SYNE1: variants seen among roughly 807,000 people sequenced by gnomAD.
The protein encoded by SYNE1 is spectrin repeat containing nuclear envelope protein 1, also known as nesprin-1.
A neutral mutation model predicts 1,111.0 loss-of-function variants in SYNE1; 616 were observed. The ratio of observed to expected loss-of-function variants is 0.55; its 90% confidence interval spans 0.52 to 0.59. SYNE1 has a LOEUF of 0.59. Ranked by LOEUF, SYNE1 falls within the 20% of genes least tolerant of loss-of-function variation. The probability of loss-of-function intolerance (pLI) is 0.00; values close to 1 mark genes in which losing one functional copy is unlikely to be tolerated. For missense variants in SYNE1, 10,006 were observed against 10,417.0 expected, an observed-to-expected ratio of 0.96 and a Z score of 1.72; for synonymous variants, 3,855 against 3,825.8, an observed-to-expected ratio of 1.01 and a Z score of -0.28.
intron 98 of SYNE1, among the ~76,000 whole-genome samples, chr6:152,275,195 C>T (rs1325678290): frequency 6.6e-6 from 1 of 152,102 alleles, no homozygotes; most frequent in Non-Finnish European, 1.5e-5. Flanking sequence ...GCATAAGCCA[C>T]CAAGCCCTGC....
chr6:152,382,371 C>T (rs1264533272), intron 55 of SYNE1, among the ~76,000 whole-genome samples: 2 of 152,032 alleles, frequency 1.3e-5, no homozygotes, highest in Non-Finnish European at 2.9e-5. Flanking sequence ...ATGAAGCATG[C>T]TTAATAAATT....
At chr6:152,484,718 T>C (rs1244502196) in intron 13 of SYNE1, 117 bp downstream of exon 13, 3 of 1,098,768 alleles carry the variant, frequency 2.7e-6, no homozygotes, top group Non-Finnish European at 4.0e-6. Context: ...TAAGTCTTTC[T>C]AGCCTCAGAC....
chr6:152,547,765 T>G (rs1410949021), intron 3 of SYNE1, among the ~76,000 whole-genome samples: 1 of 152,216 alleles, frequency 6.6e-6, no homozygotes. Context: ...TATCACACAG[T>G]ACCTTTCATT....
intron 130 of SYNE1, among the ~76,000 whole-genome samples, chr6:152,170,811 C>T (rs1171374323): frequency 2.0e-5 from 3 of 152,208 alleles, no homozygotes; most frequent in African/African-American, 7.2e-5. Context: ...TATGGTTTAG[C>T]TGTGTCACTA....
intron 138 of SYNE1, 138 bp downstream of exon 138, chr6:152,143,485 T>G: frequency 1.5e-6 from 2 of 1,290,334 alleles, no homozygotes. Flanking sequence ...GGCTTGGCTT[T>G]GCACATCCAG....
At chr6:152,457,300 C>T (rs2098702673) in intron 22 of SYNE1, among the ~76,000 whole-genome samples, 1 of 152,104 alleles carries the variant, frequency 6.6e-6, no homozygotes, top group African/African-American at 2.4e-5. Flanking sequence ...GAAGTTAAAG[C>T]TAATCAAAGC....
At chr6:152,463,600 T>C in intron 18 of SYNE1, 83 bp from the exon 19 acceptor site, 1 of 1,184,194 alleles carries the variant, frequency 8.4e-7, no homozygotes, top group Admixed American at 2.0e-5. Flanking sequence ...GTAGGAAAAA[T>C]ATTTTTGTTT....
At chr6:152,368,699 A>G in intron 61 of SYNE1, 1 of 432,160 alleles carries the variant, frequency 2.3e-6, no homozygotes, top group Non-Finnish European at 4.3e-6. Flanking sequence ...TTCAGTATTA[A>G]AAGGAATATC....
chr6:152,447,374 T>G, intron 29 of SYNE1, 84 bp downstream of exon 29: 1 of 1,452,030 alleles, frequency 6.9e-7, no homozygotes, highest in Non-Finnish European at 9.5e-7. Context: ...ATAAAATTAC[T>G]TGCTAAACTA....
At chr6:152,599,817 T>A (rs2099591844) in intron 3 of SYNE1, among the ~76,000 whole-genome samples, 1 of 152,190 alleles carries the variant, frequency 6.6e-6, no homozygotes, top group Non-Finnish European at 1.5e-5. Flanking sequence ...CATATACGTA[T>A]CCTATAGCAT....
At chr6:152,333,930 G>T in intron 77 of SYNE1, 78 bp downstream of exon 77, 1 of 1,595,552 alleles carries the variant, frequency 6.3e-7, no homozygotes, top group Non-Finnish European at 8.6e-7. Flanking sequence ...ACTGCACCTG[G>T]GCACATTTTA....
intron 3 of SYNE1, among the ~76,000 whole-genome samples, chr6:152,563,282 T>C (rs1383812081): frequency 6.6e-6 from 1 of 152,134 alleles, no homozygotes; most frequent in East Asian, 1.9e-4. Flanking sequence ...TCTCCTGATA[T>C]TATCACTATA....
intron 75 of SYNE1, among the ~76,000 whole-genome samples, chr6:152,338,660 G>A (rs891895748): frequency 5.3e-5 from 8 of 152,138 alleles, no homozygotes; most frequent in Non-Finnish European, 1.2e-4. Context: ...AAACCCAAAT[G>A]TGTTTCATGG....
intron 122 of SYNE1, among the ~76,000 whole-genome samples, 165 bp from the exon 123 acceptor site, chr6:152,213,924 G>C (rs2078044484): frequency 6.6e-6 from 1 of 152,186 alleles, no homozygotes; most frequent in South Asian, 2.1e-4. Context: ...AAAGAGGCCA[G>C]TTGCAGTGGC....
In SYNE1 at chr6:152,539,936, G is replaced by A. The variant is rs568827386; in HGVS notation, c.129+24C>T. On this transcript the variant is annotated intron_variant, in intron 4 of 145. Transcript: ENST00000367255. The stretch of plus-strand genomic sequence containing the variant: ...TTACTGGCTCAACCTAAGTAAACCT[G>A]TAATGCTGGGTAGTTTCCTTTACCT... 57 of 1,613,292 alleles carry A rather than the reference G, an allele frequency of 3.5e-5. No individual in the cohort carries two copies. In the East Asian group the frequency reaches 1.2e-3, roughly 35 times the overall value.
rs756674030 is a variant in SYNE1 at position 152,140,006 on chromosome 6, G to T, written c.25402C>A (p.Arg8468Ser). 9 of 1,614,002 alleles carry T rather than the reference G, an allele frequency of 5.6e-6. No homozygotes were observed. The highest frequency in any genetic ancestry group is 2.2e-5 in the East Asian group (1 of 44,886). ...DTEEELEQLQ[R>S]LELSTDIQTI... is the part of the protein sequence containing the mutation. ...TGGATGTCAGTGCTGAGTTCCAGAC[G>T]CTGGAGCTGTTCCAACTCCTCCTCC... The change falls in exon 140 of 146, where the codon CGT (arginine) becomes AGT (serine). Residue 8468 changes from arginine to serine, a missense_variant. Coordinates refer to ENST00000367255, the MANE Select transcript of SYNE1 (RefSeq NM_182961.4).
chr6:152,315,979 G>A (rs1218039898), intron 87 of SYNE1: 2 of 152,050 alleles, frequency 1.3e-5, no homozygotes, highest in Non-Finnish European at 2.9e-5. Context: ...AATAATATAA[G>A]AGACAAAAAT....
chr6:152,300,815 A>T, intron 92 of SYNE1, 34 bp from the exon 93 acceptor site: 1 of 1,614,180 alleles, frequency 6.2e-7, no homozygotes, highest in Non-Finnish European at 8.5e-7. Context: ...AGGACATGAA[A>T]ATCAATTAGC....
rs36122423 is a variant in SYNE1 at position 152,337,291 on chromosome 6, A to AT, written c.12352-275dup. 1.9e-3 allele frequency among the ~76,000 whole-genome samples: 284 copies of AT among 146,132 alleles called. 3 individuals carry two copies. In the Middle Eastern group the frequency reaches 0.025, roughly 13 times the overall value. On this transcript the variant is annotated intron_variant, in intron 75 of 145. Coordinates refer to ENST00000367255, the MANE Select transcript of SYNE1 (RefSeq NM_182961.4). ...TAATCAGTGTTGTGAAACTCTAATAATTTTTTTTTTTTTTTGAGACAGAGT... is the reference window on the plus strand; with the variant it reads ...TAATCAGTGTTGTGAAACTCTAATAATTTTTTTTTTTTTTTTGAGACAGAGT...
Sources: gnomAD v4.1 joint callset for allele counts (sites outside exome capture counted in the v4.1 genomes callset) on GRCh38, gnomAD v4.1.1 for gene constraint, MANE v1.5 for transcripts, NCBI Gene and HGNC (gene_info 2026-07-23, HGNC 2026-07-21) for gene names.